Variants in CPA6 observed in about 807,000 individuals in gnomAD.
CPA6 encodes the protein carboxypeptidase A6.
CPA6 carries 58 observed loss-of-function variants against 63.3 expected under a neutral mutation model. The observed-to-expected ratio is 0.92, with a 90% CI of 0.74 to 1.14. The LOEUF (loss-of-function observed/expected upper bound fraction) is 1.14, where lower values mean the gene tolerates loss of function less well. Ranked by LOEUF, CPA6 falls within the 50% of genes most tolerant of loss-of-function variation. The pLI is 0.00. For missense variants in CPA6, 565 were observed against 526.6 expected, an observed-to-expected ratio of 1.07 and a Z score of -0.71; for synonymous variants, 185 against 179.0, an observed-to-expected ratio of 1.03 and a Z score of -0.27.
At chr8:67,611,712 T>A (rs1814811254) in intron 2 of CPA6, among the ~76,000 whole-genome samples, 2 of 152,216 alleles carry the variant, frequency 1.3e-5, no homozygotes. Context: ...CATATGCTTT[T>A]TTCTTTCCTA....
At chr8:67,656,935 G>A (rs1001859388) in intron 1 of CPA6, among the ~76,000 whole-genome samples, 6 of 152,154 alleles carry the variant, frequency 3.9e-5, no homozygotes, top group East Asian at 1.9e-4. Flanking sequence ...ACTCACTTGG[G>A]GGAGCTGAGG....
chr8:67,650,463 C>G (rs959892004), intron 1 of CPA6, among the ~76,000 whole-genome samples: 6 of 152,106 alleles, frequency 3.9e-5, no homozygotes, highest in African/African-American at 1.2e-4. Flanking sequence ...GGCCTCACAT[C>G]CATACACCCC....
chr8:67,475,755 TTTTCTTTCTTTCTCTTTC>T (rs1563967148), intron 8 of CPA6, among the ~76,000 whole-genome samples: 1 of 144,386 alleles, frequency 6.9e-6, no homozygotes, highest in Non-Finnish European at 1.5e-5. Context: ...TTCTTTCTTT[TTTTCTTTCTTTCTCTTTC>T]TTTCTTTCTT....
chr8:67,543,752 A>G (rs1250946213), intron 2 of CPA6, among the ~76,000 whole-genome samples: 1 of 148,766 alleles, frequency 6.7e-6, no homozygotes, highest in Non-Finnish European at 1.5e-5. Flanking sequence ...TCATCAAACA[A>G]CAATTCCCTT....
intron 9 of CPA6, among the ~76,000 whole-genome samples, chr8:67,433,133 T>C (rs1810065307): frequency 6.6e-6 from 1 of 152,238 alleles, no homozygotes; most frequent in African/African-American, 2.4e-5. Context: ...AAGAGTACAC[T>C]GTTTTTGAGT....
intron 6 of CPA6, among the ~76,000 whole-genome samples, chr8:67,501,744 C>T (rs1413742148): frequency 1.3e-5 from 2 of 152,100 alleles, no homozygotes; most frequent in African/African-American, 4.8e-5. Flanking sequence ...GTTTTGGTAT[C>T]AGGCTTCATA....
chr8:67,534,902 G>A (rs1172694218), intron 2 of CPA6, among the ~76,000 whole-genome samples: 1 of 148,298 alleles, frequency 6.7e-6, no homozygotes, highest in African/African-American at 2.5e-5. Flanking sequence ...GGTGTGTGAT[G>A]TTCCCCGCCT....
At chr8:67,460,576 G>A (rs1364416913) in intron 8 of CPA6, among the ~76,000 whole-genome samples, 2 of 152,134 alleles carry the variant, frequency 1.3e-5, no homozygotes, top group Non-Finnish European at 1.5e-5. Flanking sequence ...ATGAATTAGC[G>A]CTAGCTTATT....
intron 2 of CPA6, among the ~76,000 whole-genome samples, chr8:67,538,661 T>TA: frequency 6.6e-6 from 1 of 152,010 alleles, no homozygotes; most frequent in South Asian, 2.1e-4. Context: ...AATTTGTCAG[T>TA]CTGTGTCTTT....
intron 6 of CPA6, among the ~76,000 whole-genome samples, chr8:67,491,995 G>T (rs927358664): frequency 6.6e-6 from 1 of 152,076 alleles, no homozygotes; most frequent in South Asian, 2.1e-4. Context: ...CTTGTTTCCC[G>T]GTGATAAATC....
chr8:67,482,917 C>T (rs1811389287), intron 8 of CPA6, among the ~76,000 whole-genome samples: 1 of 152,182 alleles, frequency 6.6e-6, no homozygotes, highest in South Asian at 2.1e-4. Flanking sequence ...AATCAAAGCC[C>T]ACGCCCAGTT....
chr8:67,597,148 C>T (rs1296751898), intron 2 of CPA6, among the ~76,000 whole-genome samples: 1 of 150,740 alleles, frequency 6.6e-6, no homozygotes, highest in African/African-American at 2.4e-5. Flanking sequence ...CTCTTTTTTC[C>T]TTCCTTTCTG....
chr8:67,535,128 T>A (rs1812558151), intron 2 of CPA6, among the ~76,000 whole-genome samples: 1 of 152,028 alleles, frequency 6.6e-6, no homozygotes, highest in Admixed American at 6.6e-5. Context: ...GCATTTGGGT[T>A]GGTTGGGTTG....
At chr8:67,575,322 T>C (rs1813594555) in intron 2 of CPA6, among the ~76,000 whole-genome samples, 1 of 152,208 alleles carries the variant, frequency 6.6e-6, no homozygotes, top group Non-Finnish European at 1.5e-5. Flanking sequence ...TGGAAAACTG[T>C]ATGGTGCTTC....
chr8:67,642,514 A>T (rs1815616031), intron 1 of CPA6, among the ~76,000 whole-genome samples: 1 of 152,124 alleles, frequency 6.6e-6, no homozygotes, highest in Non-Finnish European at 1.5e-5. Context: ...ATAATAGAAG[A>T]ACAAAGAATA....
At chr8:67,633,887 C>T (rs1176536683) in intron 1 of CPA6, among the ~76,000 whole-genome samples, 4 of 116,430 alleles carry the variant, frequency 3.4e-5, no homozygotes, top group African/African-American at 4.0e-5. Context: ...TATCCTTCTC[C>T]CCCCAAATGT....
intron 2 of CPA6, among the ~76,000 whole-genome samples, chr8:67,548,248 T>C (rs1341240917): frequency 1.4e-5 from 2 of 145,962 alleles, no homozygotes; most frequent in African/African-American, 5.1e-5. Flanking sequence ...TCCTCTCTTT[T>C]CTTTTCTTTT....
intron 1 of CPA6, among the ~76,000 whole-genome samples, chr8:67,632,571 C>T (rs1252195824): frequency 6.6e-6 from 1 of 152,168 alleles, no homozygotes; most frequent in Non-Finnish European, 1.5e-5. Flanking sequence ...CTTGGCTTCC[C>T]AAAGTGCTGG....
chr8:67,502,306 T>A lies in CPA6; in HGVS notation c.636+4481A>T, dbSNP rs140468300. On this transcript the variant is annotated intron_variant, in intron 6 of 10. Coordinates refer to ENST00000297770, the MANE Select transcript of CPA6 (RefSeq NM_020361.5). ...GACGCTGCCTCTACAAAAAATAATT[T>A]AAAAAAATTAGCCTGAATTGGTGGC... is the stretch of plus-strand genomic sequence containing the variant. Among the ~76,000 whole-genome samples, 1,238 of 152,112 alleles carry A rather than the reference T, an allele frequency of 8.1e-3. 17 individuals carry two copies. Among genetic ancestry groups the A allele is most frequent in the African/African-American group, 0.028 (1,180 of 41,514 alleles).
Sources: gnomAD v4.1 joint callset for allele counts (sites outside exome capture counted in the v4.1 genomes callset) on GRCh38, gnomAD v4.1.1 for gene constraint, MANE v1.5 for transcripts, NCBI Gene and HGNC (gene_info 2026-07-23, HGNC 2026-07-21) for gene names.